The following NAALADL2 variants were observed in gnomAD, a reference collection of about 807,000 sequenced individuals.
NAALADL2 encodes the protein N-acetylated alpha-linked acidic dipeptidase like 2.
NAALADL2 carries 76 observed loss-of-function variants against 87.2 expected under a neutral mutation model. The ratio of observed to expected loss-of-function variants is 0.87; its 90% CI spans 0.72 to 1.05. The LOEUF (loss-of-function observed/expected upper bound fraction) is 1.05, where lower values mean the gene tolerates loss of function less well. NAALADL2 is among the 50% of genes least tolerant of loss of function. NAALADL2 has a pLI of 0.00. For missense variants in NAALADL2, 1,089 were observed against 945.8 expected, an observed-to-expected ratio of 1.15 and a Z score of -1.99; for synonymous variants, 354 against 331.0, an observed-to-expected ratio of 1.07 and a Z score of -0.75.
chr3:175,447,177 G>A (rs1720839296), intron 5 of NAALADL2, 52 bp from the exon 6 acceptor site: 1 of 1,262,544 alleles, frequency 7.9e-7, no homozygotes, highest in South Asian at 1.7e-5. Context: ...TTCCTTAAGT[G>A]TTTTAAATTT....
intron 1 of NAALADL2, among the ~76,000 whole-genome samples, chr3:175,018,292 G>T (rs1437107438): frequency 6.6e-6 from 1 of 152,076 alleles, no homozygotes; most frequent in South Asian, 2.1e-4. Context: ...TGAGATTTTA[G>T]TCGGCTCTTG....
At chr3:175,282,926 T>A (rs983142612) in intron 4 of NAALADL2, among the ~76,000 whole-genome samples, 10 of 151,364 alleles carry the variant, frequency 6.6e-5, no homozygotes, top group South Asian at 4.2e-4. Flanking sequence ...TTTTTTTTTT[T>A]AAATCCTCAA....
chr3:174,594,921 A>G (rs1479672186), intron 2 of NAALADL2, among the ~76,000 whole-genome samples: 6 of 152,152 alleles, frequency 3.9e-5, no homozygotes, highest in Non-Finnish European at 8.8e-5. Flanking sequence ...CACAGATGTT[A>G]GTTCCTTTTC....
intron 3 of NAALADL2, among the ~76,000 whole-genome samples, chr3:174,766,497 C>T (rs755764357): frequency 6.6e-6 from 1 of 152,116 alleles, no homozygotes; most frequent in East Asian, 1.9e-4. Context: ...TGTCAAGAAG[C>T]AAAGCTATAA....
intron 3 of NAALADL2, among the ~76,000 whole-genome samples, chr3:174,787,669 A>C (rs1172363744): frequency 4.5e-5 from 6 of 132,590 alleles, no homozygotes; most frequent in Admixed American, 1.6e-4. Flanking sequence ...ACTATATTTC[A>C]AAACTGGACT....
chr3:175,211,620 T>A (rs1384986993), intron 2 of NAALADL2, among the ~76,000 whole-genome samples: 1 of 151,988 alleles, frequency 6.6e-6, no homozygotes, highest in African/African-American at 2.4e-5. Flanking sequence ...TGTCATCTAT[T>A]CCCTGAAATG....
chr3:175,548,495 C>T (rs1229904259), intron 9 of NAALADL2, among the ~76,000 whole-genome samples: 2 of 151,956 alleles, frequency 1.3e-5, no homozygotes, highest in East Asian at 3.9e-4. Flanking sequence ...TACAGCAAAC[C>T]ACCATGACAC....
At chr3:174,538,259 C>T (rs1721906104) in intron 1 of NAALADL2, among the ~76,000 whole-genome samples, 1 of 152,114 alleles carries the variant, frequency 6.6e-6, no homozygotes, top group African/African-American at 2.4e-5. Flanking sequence ...GAATGGGCCC[C>T]TCCTGTTGGC....
At chr3:174,729,693 TGGACTATTCAAGAGTA>T (rs926573136) in intron 2 of NAALADL2, among the ~76,000 whole-genome samples, 3 of 152,022 alleles carry the variant, frequency 2.0e-5, no homozygotes, top group African/African-American at 7.2e-5. Flanking sequence ...ATATTTTGAG[TGGACTATTCAAGAGTA>T]GGACTTACCT....
chr3:174,736,455 T>G (rs1423957136), intron 2 of NAALADL2, among the ~76,000 whole-genome samples: 2 of 151,846 alleles, frequency 1.3e-5, no homozygotes, highest in Non-Finnish European at 2.9e-5. Flanking sequence ...TCCCAACAAG[T>G]GTTCAGCTAT....
chr3:175,738,544 G>A (rs577348958), intron 12 of NAALADL2, among the ~76,000 whole-genome samples: 2 of 152,178 alleles, frequency 1.3e-5, no homozygotes, highest in African/African-American at 2.4e-5. Flanking sequence ...ACCGCACCTG[G>A]CCCCCTTTTT....
intron 5 of NAALADL2, among the ~76,000 whole-genome samples, chr3:175,338,448 G>A (rs1762218017): frequency 6.6e-6 from 1 of 151,666 alleles, no homozygotes; most frequent in African/African-American, 2.4e-5. Flanking sequence ...TAGGAGTTGG[G>A]GACAACTTTG....
intron 1 of NAALADL2, among the ~76,000 whole-genome samples, chr3:174,930,613 A>ATTTTTTTTTTTTTTTTTTTT (rs1188907600): frequency 4.0e-5 from 4 of 99,788 alleles, no homozygotes; most frequent in Admixed American, 3.5e-4. Context: ...AATAAGATGA[A>ATTTTTTTTTTTTTTTTTTTT]CTTTTTTTTT....
Position 175,547,781 on chromosome 3 carries a change from C to A in NAALADL2, c.1654-28260C>A, listed in dbSNP as rs1172854247. On this transcript the variant is annotated intron_variant, in intron 9 of 13. Coordinates refer to ENST00000454872, the MANE Select transcript of NAALADL2 (RefSeq NM_207015.3). ...TTTTCAAAAGAAGACATACATGTGA[C>A]CAACAATCATATGAAAAAAAGCTCA... Among the ~76,000 whole-genome samples the A allele has an allele frequency of 2.7e-5, 4 of 148,502 alleles. No homozygotes were observed. In the Admixed American group the frequency reaches 2.8e-4, roughly 10 times the overall value.
chr3:175,007,206 A>G (rs145748314), intron 1 of NAALADL2, among the ~76,000 whole-genome samples: 7 of 150,850 alleles, frequency 4.6e-5, no homozygotes, highest in Non-Finnish European at 1.0e-4. Flanking sequence ...AGTGATGTGT[A>G]TATAACCTAT....
intron 3 of NAALADL2, among the ~76,000 whole-genome samples, chr3:175,234,563 G>C (rs1024227248): frequency 6.6e-6 from 1 of 152,140 alleles, no homozygotes; most frequent in African/African-American, 2.4e-5. Flanking sequence ...GTTGTGTTTT[G>C]AGATTGTGCA....
chr3:175,240,321 A>C (rs2109587715), intron 3 of NAALADL2, among the ~76,000 whole-genome samples: 1 of 152,328 alleles, frequency 6.6e-6, no homozygotes, highest in South Asian at 2.1e-4. Flanking sequence ...ACTGTATCAA[A>C]TATTTTCTCA....
chr3:175,564,355 G>T (rs62288397), intron 9 of NAALADL2, among the ~76,000 whole-genome samples: 19,644 of 151,946 alleles, frequency 0.13, 1,362 homozygotes, highest in Middle Eastern at 0.17. Context: ...TTTAAAGGAA[G>T]GTACTAAACT....
intron 1 of NAALADL2, among the ~76,000 whole-genome samples, chr3:174,928,744 A>G (rs1472916575): frequency 1.3e-5 from 2 of 152,218 alleles, no homozygotes. Flanking sequence ...CTTACTATAA[A>G]ATTGTAATTA....
Sources: allele counts gnomAD v4.1 joint callset (sites outside exome capture counted in the v4.1 genomes callset), GRCh38; gene constraint gnomAD v4.1.1; transcripts MANE v1.5; gene names NCBI Gene and HGNC (gene_info 2026-07-23, HGNC 2026-07-21).